The following ARHGEF3 variants were observed in gnomAD, a reference collection of about 807,000 sequenced individuals.
ARHGEF3 encodes the protein 59.8 kDA protein.
Under a neutral mutation model 63.2 loss-of-function variants are expected in ARHGEF3, and 28 were observed. That is an observed-to-expected ratio of 0.44 (90% confidence interval 0.33 to 0.61). ARHGEF3 has a LOEUF of 0.61. Among genes scored for constraint, ARHGEF3 ranks in the 20% least tolerant of loss-of-function variants. The probability of loss-of-function intolerance (pLI) is 0.03; values close to 1 mark genes in which losing one functional copy is unlikely to be tolerated. For missense variants in ARHGEF3, 533 were observed against 659.3 expected, an observed-to-expected ratio of 0.81 and a Z score of 2.10; for synonymous variants, 266 against 254.2, an observed-to-expected ratio of 1.05 and a Z score of -0.44.
chr3:56,926,479 T>A (rs2042278526), intron 3 of ARHGEF3, among the ~76,000 whole-genome samples: 1 of 152,250 alleles, frequency 6.6e-6, no homozygotes, highest in African/African-American at 2.4e-5. Context: ...TTCCTATGTA[T>A]TTTTAAAGTA....
intron 4 of ARHGEF3, among the ~76,000 whole-genome samples, chr3:56,823,998 A>C (rs74403070): frequency 1.4e-5 from 2 of 140,448 alleles, no homozygotes; most frequent in Non-Finnish European, 3.3e-5. Context: ...AAAAAAAAAA[A>C]AAAAAAACAG....
At chr3:56,790,020 C>T (rs1288349350) in intron 1 of ARHGEF3, among the ~76,000 whole-genome samples, 1 of 152,196 alleles carries the variant, frequency 6.6e-6, no homozygotes, top group East Asian at 1.9e-4. Flanking sequence ...TGAAACCCAC[C>T]TTCTGGGAAA....
At chr3:56,847,868 A>G (rs1394568490) in intron 4 of ARHGEF3, among the ~76,000 whole-genome samples, 1 of 152,062 alleles carries the variant, frequency 6.6e-6, no homozygotes, top group Non-Finnish European at 1.5e-5. Flanking sequence ...GTGAGCCACC[A>G]TGCCTGGCCT....
At chr3:56,744,701 T>C (rs1012405770) in intron 7 of ARHGEF3, among the ~76,000 whole-genome samples, 12 of 152,000 alleles carry the variant, frequency 7.9e-5, no homozygotes, top group Admixed American at 2.6e-4. Context: ...CCATCGTGCC[T>C]GGCCCACACT....
chr3:56,966,685 G>A (rs751006110), intron 2 of ARHGEF3, among the ~76,000 whole-genome samples: 14 of 151,866 alleles, frequency 9.2e-5, no homozygotes, highest in Non-Finnish European at 2.1e-4. Flanking sequence ...GAGAGTCAGG[G>A]GTTCAGAGTG....
chr3:56,984,433 G>C lies in ARHGEF3; in HGVS notation c.63-25544C>G, dbSNP rs1213274513. 2.6e-5 allele frequency among the ~76,000 whole-genome samples: 4 copies of C among 152,124 alleles called. No homozygotes were observed. In the East Asian group the frequency reaches 7.7e-4, roughly 29 times the overall value. ...ACATGATGGGTAGGTGGGTGGGCGA[G>C]TATGTTACAAGGAAGGGAGGGAGGT... is the stretch of plus-strand genomic sequence containing the variant. On this transcript the variant is annotated intron_variant, in intron 2 of 12. Transcript: ENST00000338458.
intron 2 of ARHGEF3, among the ~76,000 whole-genome samples, chr3:57,005,155 A>G (rs1702421142): frequency 6.6e-6 from 1 of 152,180 alleles, no homozygotes; most frequent in South Asian, 2.1e-4. Flanking sequence ...TAGGTGAACA[A>G]CAGCTTCAGA....
chr3:56,899,756 A>G (rs2041442196), intron 3 of ARHGEF3, among the ~76,000 whole-genome samples: 1 of 152,206 alleles, frequency 6.6e-6, no homozygotes. Context: ...TGCTGCTGTG[A>G]CAAGTACAGA....
At chr3:56,817,042 T>C (rs1430504113) in intron 4 of ARHGEF3, among the ~76,000 whole-genome samples, 1 of 152,160 alleles carries the variant, frequency 6.6e-6, no homozygotes, top group African/African-American at 2.4e-5. Flanking sequence ...CAACCCCAAG[T>C]GCTAGAGTCA....
chr3:57,007,513 T>C (rs1169163055), intron 2 of ARHGEF3, among the ~76,000 whole-genome samples: 1 of 152,212 alleles, frequency 6.6e-6, no homozygotes, highest in African/African-American at 2.4e-5. Flanking sequence ...AAAATTGGGT[T>C]GCTCACAGGG....
chr3:56,902,973 T>C (rs1243647548), intron 3 of ARHGEF3, among the ~76,000 whole-genome samples: 1 of 152,164 alleles, frequency 6.6e-6, no homozygotes, highest in Non-Finnish European at 1.5e-5. Flanking sequence ...GGGCAATTTC[T>C]GTCTAAAATA....
chr3:56,989,012 C>A (rs1701644585), intron 2 of ARHGEF3, among the ~76,000 whole-genome samples: 1 of 152,052 alleles, frequency 6.6e-6, no homozygotes, highest in Admixed American at 6.5e-5. Flanking sequence ...ACAATTTTTT[C>A]CAGGGCTCCT....
At chr3:56,755,593 G>C (rs912956278) in intron 2 of ARHGEF3, among the ~76,000 whole-genome samples, 1 of 152,100 alleles carries the variant, frequency 6.6e-6, no homozygotes, top group Non-Finnish European at 1.5e-5. Flanking sequence ...CACTAACTTT[G>C]GGTATCCTAT....
At chr3:56,955,508 C>T (rs1171664751) in intron 3 of ARHGEF3, among the ~76,000 whole-genome samples, 1 of 152,108 alleles carries the variant, frequency 6.6e-6, no homozygotes, top group Non-Finnish European at 1.5e-5. Flanking sequence ...CGGCCTGGAT[C>T]CCTTTTCTTT....
At chr3:57,045,315 T>C (rs996294749) in intron 1 of ARHGEF3, among the ~76,000 whole-genome samples, 12 of 152,202 alleles carry the variant, frequency 7.9e-5, no homozygotes, top group African/African-American at 2.9e-4. Flanking sequence ...TGTCTCTCTC[T>C]GGGTCTCTTC....
chr3:56,903,490 C>T (rs939722642), intron 3 of ARHGEF3, among the ~76,000 whole-genome samples: 2 of 152,234 alleles, frequency 1.3e-5, no homozygotes, highest in African/African-American at 4.8e-5. Context: ...CAGAAGCATC[C>T]ACTAGTGGGA....
chr3:56,756,604 C>T (rs1484924718), intron 2 of ARHGEF3, among the ~76,000 whole-genome samples: 2 of 133,348 alleles, frequency 1.5e-5, no homozygotes, highest in African/African-American at 5.6e-5. Flanking sequence ...GGCTGGAGTA[C>T]AGTGGTGCGA....
Position 56,745,494 on chromosome 3 carries a change from T to C in ARHGEF3, c.613-32A>G, listed in dbSNP as rs1353179273. 1.9e-6 allele frequency: 3 copies of C among 1,607,002 alleles called. No individual in the cohort carries two copies. In the African/African-American group the frequency reaches 4.0e-5, roughly 22 times the overall value. The stretch of plus-strand genomic sequence containing the variant: ...AGGAAACAGAAAGAGAAGGTTGGAA[T>C]GTCAAAATAATTGAGCTCTGAGGCT... On this transcript the variant is annotated intron_variant, in intron 6 of 9. Coordinates refer to ENST00000296315, the MANE Select transcript of ARHGEF3 (RefSeq NM_019555.3).
chr3:56,858,837 G>A (rs1241274274), intron 4 of ARHGEF3, among the ~76,000 whole-genome samples: 2 of 152,192 alleles, frequency 1.3e-5, no homozygotes, highest in Non-Finnish European at 2.9e-5. Flanking sequence ...GTGGGCAGGA[G>A]CCTAGACATT....
Sources: gnomAD v4.1 joint callset for allele counts (sites outside exome capture counted in the v4.1 genomes callset) on GRCh38, gnomAD v4.1.1 for gene constraint, MANE v1.5 for transcripts, NCBI Gene and HGNC (gene_info 2026-07-23, HGNC 2026-07-21) for gene names.